The following SLC49A4 variants were observed in gnomAD, a reference collection of about 807,000 sequenced individuals.
SLC49A4 encodes the protein disrupted in renal cancer protein 2.
In SLC49A4, 36 loss-of-function variants were observed where a neutral mutation model predicts 50.6. The observed-to-expected ratio is 0.71, with a 90% CI of 0.55 to 0.94. The LOEUF (loss-of-function observed/expected upper bound fraction) is 0.94. SLC49A4 is among the 40% of genes least tolerant of loss of function. SLC49A4 has a pLI of 0.00. For synonymous variants in SLC49A4, 248 were observed against 241.2 expected, an observed-to-expected ratio of 1.03 and a Z score of -0.26; for missense variants, 503 against 605.7, an observed-to-expected ratio of 0.83 and a Z score of 1.78.
At chr3:122,817,687 C>G (rs1478048389) in intron 2 of SLC49A4, among the ~76,000 whole-genome samples, 2 of 151,354 alleles carry the variant, frequency 1.3e-5, no homozygotes, top group Non-Finnish European at 1.5e-5. Flanking sequence ...CTCAAGCAAT[C>G]CTCCTACCTG....
chr3:122,872,653 T>C (rs1576313120), intron 8 of SLC49A4, 56 bp downstream of exon 8: 1 of 1,333,986 alleles, frequency 7.5e-7, no homozygotes, highest in East Asian at 2.4e-5. Flanking sequence ...AAAGTTTGGG[T>C]CACTAGTGTA....
chr3:122,802,692 C>G (rs1936149691), intron 1 of SLC49A4, among the ~76,000 whole-genome samples: 1 of 152,054 alleles, frequency 6.6e-6, no homozygotes, highest in African/African-American at 2.4e-5. Context: ...AGAAAAAGAA[C>G]AACATTGAAC....
chr3:122,871,874 A>G (rs911999843), intron 7 of SLC49A4, among the ~76,000 whole-genome samples: 5 of 152,152 alleles, frequency 3.3e-5, no homozygotes, highest in African/African-American at 9.7e-5. Context: ...GTGTTTCAAA[A>G]AAGTTACTTA....
chr3:122,872,723 G>T, intron 8 of SLC49A4, 126 bp downstream of exon 8: 1 of 615,738 alleles, frequency 1.6e-6, no homozygotes, highest in Non-Finnish European at 2.6e-6. Context: ...AACTTCCATT[G>T]CCAGTAAAAG....
chr3:122,847,803 G>A (rs761975110), intron 5 of SLC49A4, among the ~76,000 whole-genome samples: 18 of 152,168 alleles, frequency 1.2e-4, no homozygotes, highest in Non-Finnish European at 1.9e-4. Context: ...TCTAGATGTT[G>A]GATTTAGCAG....
intron 4 of SLC49A4, among the ~76,000 whole-genome samples, chr3:122,836,376 G>A (rs1936686962): frequency 2.0e-5 from 3 of 151,710 alleles, no homozygotes; most frequent in African/African-American, 7.3e-5. Context: ...GCTTTTTGAT[G>A]TGCTGCTGGA....
At chr3:122,870,550 T>TA (rs1397591058) in intron 7 of SLC49A4, among the ~76,000 whole-genome samples, 1 of 151,094 alleles carries the variant, frequency 6.6e-6, no homozygotes, top group Non-Finnish European at 1.5e-5. Context: ...GGCTCACACT[T>TA]GTAATCCCAG....
intron 5 of SLC49A4, among the ~76,000 whole-genome samples, chr3:122,850,148 A>G (rs1335299738): frequency 1.3e-5 from 2 of 152,240 alleles, no homozygotes; most frequent in Admixed American, 6.5e-5. Context: ...CTGAATCATC[A>G]GAATCGTCTA....
In SLC49A4 at chr3:122,795,157, T is replaced by C. The variant is rs951783626; in HGVS notation, c.-36T>C. The C allele has an allele frequency of 8.4e-6, 11 of 1,308,520 alleles. No individual in the cohort carries two copies. In the African/African-American group the frequency reaches 9.3e-5, roughly 11 times the overall value. The allele number at this position is 1,308,520 out of a possible 1,614,324, so 81.1% of individuals were successfully genotyped here. ...TGGGCTAGTCGGCGGTGACCCGGACTGCGCCCGGCAGTGGCTTCGCGGGCG... is the reference window on the plus strand; with the variant it reads ...TGGGCTAGTCGGCGGTGACCCGGACCGCGCCCGGCAGTGGCTTCGCGGGCG... On this transcript the variant is annotated 5_prime_UTR_variant, in exon 1 of 9. Transcript: ENST00000261038.
Position 122,879,455 on chromosome 3 carries a change from T to G in SLC49A4, c.*77T>G. On this transcript the variant is annotated 3_prime_UTR_variant, in exon 9 of 9. Transcript: ENST00000261038. ...CTGCACATTTGCTCAGAATTGCACA[T>G]CTAACAGGAAAAGAGGGAGAAGAAA... 1 of 1,053,712 alleles carries G rather than the reference T, an allele frequency of 9.5e-7. No individual in the cohort carries two copies. The highest frequency in any genetic ancestry group is 1.4e-6 in the Non-Finnish European group (1 of 710,436). The allele number at this position is 1,053,712 out of a possible 1,614,324, so 65.3% of individuals were successfully genotyped here.
Position 122,869,530 on chromosome 3 carries a change from A to G in SLC49A4, c.1139-2885A>G, listed in dbSNP as rs1001148752. ...ATCTTTTCACACTGTATTTTTTTGG[A>G]TAAGTGTTCTTTGTATACCTATACC... On this transcript the variant is annotated intron_variant, in intron 7 of 8. Coordinates refer to ENST00000261038, the MANE Select transcript of SLC49A4 (RefSeq NM_032839.3). Among the ~76,000 whole-genome samples the G allele has an allele frequency of 1.8e-4, 27 of 151,818 alleles. 1 individual carries two copies. Among genetic ancestry groups the G allele is most frequent in the Admixed American group, 1.3e-3 (20 of 15,218 alleles).
intron 4 of SLC49A4, among the ~76,000 whole-genome samples, chr3:122,841,906 T>C (rs1437880517): frequency 6.6e-6 from 1 of 151,782 alleles, no homozygotes; most frequent in African/African-American, 2.4e-5. Flanking sequence ...ATCACTTCTC[T>C]ATAGCACGTC....
intron 4 of SLC49A4, among the ~76,000 whole-genome samples, 154 bp from the exon 5 acceptor site, chr3:122,845,606 CGTT>C (rs1936836409): frequency 8.6e-6 from 1 of 115,692 alleles, no homozygotes; most frequent in Non-Finnish European, 1.7e-5. Flanking sequence ...CTTTCCAGCA[CGTT>C]TTTTTTTTTT....
rs1430556802 is a variant in SLC49A4, at chr3:122,827,020, A to G, written c.658A>G (p.Ser220Gly). ...ATCACCTCTTCTTGCTGCAGAGAGCAGCAGGGCGCATATTAAAGATCGCAT... is the reference window on the plus strand; with the variant it reads ...ATCACCTCTTCTTGCTGCAGAGAGCGGCAGGGCGCATATTAAAGATCGCAT... ...GTSPLLAAESSRAHIKDRIEA... is the reference protein window; with the variant it reads ...GTSPLLAAESGRAHIKDRIEA... The change falls in exon 3 of 9, where the codon AGC becomes GGC. Residue 220 changes from serine to glycine, a missense_variant. Ser to Gly is a moderately conservative substitution (Grantham distance 56). Coordinates refer to ENST00000261038, the MANE Select transcript of SLC49A4 (RefSeq NM_032839.3). 2 of 1,614,122 alleles carry G rather than the reference A, an allele frequency of 1.2e-6. No homozygotes were observed. The highest frequency in any genetic ancestry group is 2.2e-5 in the East Asian group (1 of 44,874).
chr3:122,878,426 A>T (rs956224348), intron 8 of SLC49A4, among the ~76,000 whole-genome samples: 2 of 152,204 alleles, frequency 1.3e-5, no homozygotes, highest in Admixed American at 6.5e-5. Flanking sequence ...ACAGATGCAC[A>T]GCCCTAGGGT....
At chr3:122,856,181 A>T in intron 5 of SLC49A4, 126 bp from the exon 6 acceptor site, 1 of 784,344 alleles carries the variant, frequency 1.3e-6, no homozygotes, top group Non-Finnish European at 2.1e-6. Context: ...TACATTAGTT[A>T]CACATGAATT....
chr3:122,796,808 A>G (rs1936049098), intron 1 of SLC49A4, among the ~76,000 whole-genome samples: 1 of 152,188 alleles, frequency 6.6e-6, no homozygotes, highest in Non-Finnish European at 1.5e-5. Context: ...GCTTGAGCTC[A>G]GGAGGTCGAA....
intron 3 of SLC49A4, among the ~76,000 whole-genome samples, chr3:122,832,310 TGGAACTTCCAAGTGCCAGAATTATAGAG>T (rs1242086146): frequency 6.6e-6 from 1 of 152,198 alleles, no homozygotes; most frequent in African/African-American, 2.4e-5. Context: ...TATCAAAAGC[TGGAACTTCCAAGTGCCAGAATTATAGAG>T]GGAAAGATTG....
intron 4 of SLC49A4, among the ~76,000 whole-genome samples, chr3:122,838,198 G>T (rs974170929): frequency 1.3e-5 from 2 of 152,006 alleles, no homozygotes; most frequent in East Asian, 3.8e-4. Context: ...CCCAGCCATC[G>T]CATTACTGGG....
Sources: gnomAD v4.1 joint callset for allele counts (sites outside exome capture counted in the v4.1 genomes callset) on GRCh38, gnomAD v4.1.1 for gene constraint, MANE v1.5 for transcripts, NCBI Gene and HGNC (gene_info 2026-07-23, HGNC 2026-07-21) for gene names.